The following HSD17B2 variants were observed in gnomAD, a reference collection of about 807,000 sequenced individuals.
HSD17B2 encodes the protein hydroxysteroid 17-beta dehydrogenase 2.
In HSD17B2, 32 loss-of-function variants were observed where a neutral mutation model predicts 26.9. The ratio of observed to expected loss-of-function variants is 1.19; its 90% CI spans 0.90 to 1.60. HSD17B2 has a LOEUF of 1.60. Ranked by LOEUF, HSD17B2 falls within the 40% of genes most tolerant of loss-of-function variation. The probability of loss-of-function intolerance (pLI) is 0.00; values close to 1 mark genes in which losing one functional copy is unlikely to be tolerated. For synonymous variants in HSD17B2, 246 were observed against 186.7 expected (o/e 1.32, Z -2.59); for missense variants, 613 against 468.6 (o/e 1.31, Z -2.85).
chr16:82,042,954 A>G (rs540380210), intron 1 of HSD17B2, among the ~76,000 whole-genome samples: 13 of 152,220 alleles, frequency 8.5e-5, no homozygotes, highest in Non-Finnish European at 1.8e-4. Context: ...CCATAGATCA[A>G]ACAGAACACA....
rs1434419060 is a variant in HSD17B2 at position 82,035,925 on chromosome 16, G to A, written c.265+236G>A. 3.3e-5 allele frequency among the ~76,000 whole-genome samples: 5 copies of A among 152,110 alleles called. No homozygotes were observed. The East Asian group carries it at 5.8e-4, about 18-fold the overall frequency. On this transcript the variant is annotated intron_variant, in intron 1 of 4. Coordinates refer to ENST00000199936, the MANE Select transcript of HSD17B2 (RefSeq NM_002153.3). Reference sequence around the variant, plus strand: ...TGAAGTGCACCCAGACAATGATTTTGTTAAAATTTCCCAGGAATAAATATT... The same window carrying A: ...TGAAGTGCACCCAGACAATGATTTTATTAAAATTTCCCAGGAATAAATATT...
At chr16:82,058,663 C>A (rs147281733) in intron 1 of HSD17B2, among the ~76,000 whole-genome samples, 2 of 152,068 alleles carry the variant, frequency 1.3e-5, no homozygotes, top group Admixed American at 6.6e-5. Context: ...AAGGGTAATG[C>A]GAATTTTCAC....
At chr16:82,041,155 A>G (rs1913755367) in intron 1 of HSD17B2, among the ~76,000 whole-genome samples, 1 of 152,164 alleles carries the variant, frequency 6.6e-6, no homozygotes, top group African/African-American at 2.4e-5. Flanking sequence ...TGCCAACTAT[A>G]CTGCAAGCGG....
chr16:82,078,567 C>G (rs1457967591), intron 3 of HSD17B2, among the ~76,000 whole-genome samples: 1 of 152,156 alleles, frequency 6.6e-6, no homozygotes, highest in Non-Finnish European at 1.5e-5. Context: ...ATCTGCAGTC[C>G]TATGTGTGTT....
chr16:82,092,878 C>A (rs574637758), intron 4 of HSD17B2: 1 of 152,234 alleles, frequency 6.6e-6, no homozygotes, highest in Non-Finnish European at 1.5e-5. Flanking sequence ...TTGAATCTGG[C>A]AGGAGGATTG....
Position 82,075,663 on chromosome 16 carries a change from C to A in HSD17B2, c.664+4536C>A, listed in dbSNP as rs369945882. ...TACAGAGAGCCTACCAAGATTGAACCATGAAGGAATCCATAACCTGAATGG... is the reference window on the plus strand; with the variant it reads ...TACAGAGAGCCTACCAAGATTGAACAATGAAGGAATCCATAACCTGAATGG... On this transcript the variant is annotated intron_variant, in intron 3 of 4. Transcript: ENST00000199936. 2.6e-5 allele frequency among the ~76,000 whole-genome samples: 4 copies of A among 152,094 alleles called. No homozygotes were observed. In the East Asian group the frequency reaches 7.7e-4, roughly 29 times the overall value.
chr16:82,090,342 G>A (rs1432101487), intron 3 of HSD17B2: 2 of 185,320 alleles, frequency 1.1e-5, no homozygotes, highest in South Asian at 2.1e-4. Context: ...TTTTTGAGAC[G>A]GAGTTTCACT....
intron 4 of HSD17B2, chr16:82,095,459 A>G (rs1904813570): frequency 6.5e-6 from 1 of 152,988 alleles, no homozygotes; most frequent in Non-Finnish European, 1.5e-5. Flanking sequence ...CTATGTGAAC[A>G]ACCAAGCACT....
chr16:82,081,525 C>G (rs1377756738), intron 3 of HSD17B2, among the ~76,000 whole-genome samples: 1 of 152,116 alleles, frequency 6.6e-6, no homozygotes, highest in Non-Finnish European at 1.5e-5. Context: ...CTGGAAAACC[C>G]GAGGTCCTAT....
At chr16:82,060,350 G>A (rs141927645) in intron 1 of HSD17B2, among the ~76,000 whole-genome samples, 1 of 152,286 alleles carries the variant, frequency 6.6e-6, no homozygotes, top group African/African-American at 2.4e-5. Context: ...GCATTACTGA[G>A]GGAAGCTGGT....
At chr16:82,072,198 A>G (rs1237167443) in intron 3 of HSD17B2, among the ~76,000 whole-genome samples, 1 of 152,066 alleles carries the variant, frequency 6.6e-6, no homozygotes, top group Non-Finnish European at 1.5e-5. Context: ...GGCATAAACA[A>G]AGAAGAAGGT....
chr16:82,045,074 G>C (rs982932048), intron 1 of HSD17B2, among the ~76,000 whole-genome samples: 3 of 122,508 alleles, frequency 2.4e-5, no homozygotes, highest in Non-Finnish European at 4.7e-5. Flanking sequence ...AGTGAGCTGA[G>C]ATCACACCAC....
At chr16:82,060,270 T>G (rs1025465328) in intron 1 of HSD17B2, among the ~76,000 whole-genome samples, 1 of 152,232 alleles carries the variant, frequency 6.6e-6, no homozygotes, top group Non-Finnish European at 1.5e-5. Context: ...TTGATTCAGA[T>G]GACCTTTGTA....
At chr16:82,063,021 C>G (rs969857720) in intron 1 of HSD17B2, 2 of 152,272 alleles carry the variant, frequency 1.3e-5, no homozygotes, top group African/African-American at 4.8e-5. Flanking sequence ...TCACAACACG[C>G]TGGGCCAGTG....
intron 3 of HSD17B2, chr16:82,071,610 T>C (rs1248103984): frequency 7.7e-6 from 2 of 259,238 alleles, no homozygotes; most frequent in African/African-American, 2.3e-5. Flanking sequence ...GCAGCCTCAA[T>C]CCAGCTAGGT....
At chr16:82,038,599 G>T in intron 1 of HSD17B2, among the ~76,000 whole-genome samples, 1 of 152,178 alleles carries the variant, frequency 6.6e-6, no homozygotes, top group Non-Finnish European at 1.5e-5. Flanking sequence ...AGACCAACAC[G>T]ATTGTAATAA....
chr16:82,084,324 G>T (rs575250958), intron 3 of HSD17B2, among the ~76,000 whole-genome samples: 2 of 152,082 alleles, frequency 1.3e-5, no homozygotes. Context: ...CTAGATAATA[G>T]TAGCACCCAC....
chr16:82,098,188 TTCC>T lies in HSD17B2; in HGVS notation c.921_923del (p.Leu309del). 3 of 1,614,128 alleles carry T rather than the reference TTCC, an allele frequency of 1.9e-6. No homozygotes were observed. The highest frequency in any genetic ancestry group is 1.7e-6 in the Non-Finnish European group (2 of 1,180,004). On this transcript the variant is annotated inframe_deletion, in exon 5 of 5. Transcript: ENST00000199936. ...GGACTACATCTTAGCACAGCGGAAT[TTCC>T]TCCTATTGATCAACTCGTTAGCCAG...
intron 1 of HSD17B2, among the ~76,000 whole-genome samples, chr16:82,049,004 C>G (rs1332831703): frequency 6.6e-6 from 1 of 152,174 alleles, no homozygotes; most frequent in Non-Finnish European, 1.5e-5. Context: ...ATAATCCTGG[C>G]TACTTTCTGG....
Sources: gnomAD v4.1 joint callset for allele counts (sites outside exome capture counted in the v4.1 genomes callset) on GRCh38, gnomAD v4.1.1 for gene constraint, MANE v1.5 for transcripts, NCBI Gene and HGNC (gene_info 2026-07-23, HGNC 2026-07-21) for gene names.